SCOC: variants seen among roughly 807,000 people sequenced by gnomAD.
SCOC encodes short coiled-coil protein, also known as short coiled coil protein.
In SCOC, 7 loss-of-function variants were observed where a neutral mutation model predicts 9.9. That is an observed-to-expected ratio of 0.71 (90% CI 0.40 to 1.33). The LOEUF (loss-of-function observed/expected upper bound fraction) is 1.33. Among genes scored for constraint, SCOC ranks in the 40% most tolerant of loss-of-function variants. The pLI, the probability that SCOC is intolerant of heterozygous loss-of-function variation, is 0.01. For missense variants in SCOC, 66 were observed against 89.7 expected (o/e 0.74, Z 1.07); for synonymous variants, 19 against 28.2 (o/e 0.67, Z 1.03).
At chr4:140,296,900 G>T (rs1201174559) in intron 1 of SCOC, among the ~76,000 whole-genome samples, 1 of 152,070 alleles carries the variant, frequency 6.6e-6, no homozygotes, top group Admixed American at 6.5e-5. Context: ...CCTTGCTGTG[G>T]GATTTAGGTC....
intron 2 of SCOC, among the ~76,000 whole-genome samples, chr4:140,345,030 C>T: frequency 6.6e-6 from 1 of 152,116 alleles, no homozygotes; most frequent in Non-Finnish European, 1.5e-5. Flanking sequence ...CATCTTCTGC[C>T]ACTTTCACAC....
intron 1 of SCOC, among the ~76,000 whole-genome samples, chr4:140,319,717 T>A (rs888577553): frequency 3.3e-5 from 5 of 152,020 alleles, no homozygotes; most frequent in African/African-American, 9.7e-5. Context: ...GCTCGGAGAT[T>A]TAAGAGGTTA....
chr4:140,363,187 A>G (rs1204030817), intron 2 of SCOC, among the ~76,000 whole-genome samples: 1 of 152,196 alleles, frequency 6.6e-6, no homozygotes, highest in African/African-American at 2.4e-5. Flanking sequence ...ACAAATCAGC[A>G]TGAAGCTCAT....
At chr4:140,289,333 A>G (rs1429370628) in intron 1 of SCOC, among the ~76,000 whole-genome samples, 1 of 152,206 alleles carries the variant, frequency 6.6e-6, no homozygotes, top group South Asian at 2.1e-4. Context: ...CTGAGCCAGC[A>G]TATCAGCCGC....
At chr4:140,335,101 T>C (rs935781170) in intron 1 of SCOC, among the ~76,000 whole-genome samples, 1 of 152,208 alleles carries the variant, frequency 6.6e-6, no homozygotes, top group Non-Finnish European at 1.5e-5. Context: ...CCTTTTTACA[T>C]CTTTATTACA....
At chr4:140,316,851 A>G (rs1211770092) in intron 1 of SCOC, among the ~76,000 whole-genome samples, 1 of 152,238 alleles carries the variant, frequency 6.6e-6, no homozygotes, top group Non-Finnish European at 1.5e-5. Context: ...CAGTCTACAA[A>G]TTAAGGTATG....
intron 1 of SCOC, among the ~76,000 whole-genome samples, chr4:140,275,729 T>C (rs780220536): frequency 6.6e-6 from 1 of 151,962 alleles, no homozygotes; most frequent in Non-Finnish European, 1.5e-5. Flanking sequence ...TATTGAGGGA[T>C]TGATGCTTAA....
chr4:140,349,010 T>G (rs1560713263), intron 2 of SCOC, among the ~76,000 whole-genome samples: 1 of 152,242 alleles, frequency 6.6e-6, no homozygotes, highest in Non-Finnish European at 1.5e-5. Context: ...TATGTCTTCT[T>G]TTGAGAAACA....
At chr4:140,336,409 C>T (rs1433617799) in intron 1 of SCOC, among the ~76,000 whole-genome samples, 2 of 152,158 alleles carry the variant, frequency 1.3e-5, no homozygotes, top group Non-Finnish European at 2.9e-5. Flanking sequence ...CCCTGACAAC[C>T]ATCGACCTGC....
At chr4:140,369,422 G>A (rs982656881), upstream of SCOC, 14 of 294,124 alleles carry the variant, frequency 4.8e-5, no homozygotes, top group African/African-American at 2.9e-4. Context: ...AACATGTTCT[G>A]CAAATTAATG....
At chr4:140,265,060 ATGT>A (rs1226510464) in intron 1 of SCOC, among the ~76,000 whole-genome samples, 1 of 152,192 alleles carries the variant, frequency 6.6e-6, no homozygotes, top group Non-Finnish European at 1.5e-5. Context: ...ATTATAAATA[ATGT>A]TGTGTCTCTT....
intron 1 of SCOC, among the ~76,000 whole-genome samples, chr4:140,258,429 A>AT (rs1233372138): frequency 6.6e-6 from 1 of 152,078 alleles, no homozygotes; most frequent in Non-Finnish European, 1.5e-5. Context: ...CAAACACTGG[A>AT]TTTTTTTGAT....
At chr4:140,366,695 G>C (rs1727813726) in intron 2 of SCOC, 1 of 1,591,292 alleles carries the variant, frequency 6.3e-7, no homozygotes, top group Admixed American at 1.7e-5. Flanking sequence ...TCAGTGAGCT[G>C]CATGCACTTG....
At chr4:140,366,124 G>A in intron 2 of SCOC, 2 of 411,996 alleles carry the variant, frequency 4.9e-6, no homozygotes, top group Non-Finnish European at 8.7e-6. Context: ...AAAAATCCAT[G>A]AGCAGCCTAG....
intron 1 of SCOC, among the ~76,000 whole-genome samples, chr4:140,280,122 G>T (rs943307132): frequency 6.6e-6 from 1 of 151,952 alleles, no homozygotes; most frequent in Non-Finnish European, 1.5e-5. Context: ...TGATTTTTTT[G>T]TCAGTTTGTT....
At chr4:140,373,617 C>T, upstream of SCOC, 4 of 1,551,692 alleles carry the variant, frequency 2.6e-6, no homozygotes, top group Non-Finnish European at 3.5e-6. Flanking sequence ...GGCGCACGTT[C>T]TGTGGGCGGA....
chr4:140,348,119 T>C (rs996587108), intron 2 of SCOC, among the ~76,000 whole-genome samples: 1 of 151,338 alleles, frequency 6.6e-6, no homozygotes, highest in East Asian at 1.9e-4. Flanking sequence ...ATCAAGCTAA[T>C]GAACATATAA....
chr4:140,369,459 G>A (rs116718252), upstream of SCOC: 1,472 of 266,398 alleles, frequency 5.5e-3, 17 homozygotes, highest in African/African-American at 0.023. Flanking sequence ...CAACACACCT[G>A]GTTATACTTG....
intron 1 of SCOC, among the ~76,000 whole-genome samples, chr4:140,323,708 C>T (rs1293994153): frequency 6.6e-6 from 1 of 152,096 alleles, no homozygotes; most frequent in Non-Finnish European, 1.5e-5. Context: ...CTGAATACTC[C>T]AATATTTATT....
Sources: gnomAD v4.1 joint callset for allele counts (sites outside exome capture counted in the v4.1 genomes callset) on GRCh38, gnomAD v4.1.1 for gene constraint, MANE v1.5 for transcripts, NCBI Gene and HGNC (gene_info 2026-07-23, HGNC 2026-07-21) for gene names.